CHRM3: variants seen among roughly 807,000 people sequenced by gnomAD.
CHRM3 encodes the protein cholinergic receptor muscarinic 3, also known as muscarinic acetylcholine receptor M3.
CHRM3 carries 11 observed loss-of-function variants against 41.8 expected under a neutral mutation model. The observed-to-expected ratio is 0.26, with a 90% confidence interval of 0.17 to 0.44. The LOEUF (loss-of-function observed/expected upper bound fraction) is 0.44. Among genes scored for constraint, CHRM3 ranks in the 20% least tolerant of loss-of-function variants. CHRM3 has a pLI of 1.00. For synonymous variants in CHRM3, 297 were observed against 301.4 expected (o/e 0.99, Z 0.15); for missense variants, 571 against 745.4 (o/e 0.77, Z 2.72).
chr1:239,724,564 G>T (rs1006560208), intron 5 of CHRM3, among the ~76,000 whole-genome samples: 3 of 151,890 alleles, frequency 2.0e-5, no homozygotes, highest in Admixed American at 6.6e-5. Context: ...GGATTATAGA[G>T]GTGAAGTGCT....
At chr1:239,646,757 G>A (rs1473438633) in intron 4 of CHRM3, among the ~76,000 whole-genome samples, 4 of 152,104 alleles carry the variant, frequency 2.6e-5, no homozygotes, top group Non-Finnish European at 5.9e-5. Context: ...GAATGAGAAT[G>A]ACTTTGTATA....
chr1:239,641,466 A>C (rs1671143197), intron 4 of CHRM3, among the ~76,000 whole-genome samples: 1 of 146,448 alleles, frequency 6.8e-6, no homozygotes, highest in South Asian at 2.3e-4. Flanking sequence ...GGGTGCATAT[A>C]TATTTAGGAT....
intron 3 of CHRM3, among the ~76,000 whole-genome samples, chr1:239,589,267 A>G (rs1427235787): frequency 4.6e-5 from 7 of 151,968 alleles, no homozygotes; most frequent in Non-Finnish European, 1.0e-4. Context: ...CTGGAAAAGT[A>G]TTAATTCTCG....
chr1:239,835,237 C>T (rs1042403079), intron 6 of CHRM3, among the ~76,000 whole-genome samples: 24 of 152,192 alleles, frequency 1.6e-4, no homozygotes, highest in Admixed American at 9.8e-4. Context: ...CCGGATCCTC[C>T]GTGCCAGCAT....
At chr1:239,905,997 T>C (rs1167115534) in intron 6 of CHRM3, among the ~76,000 whole-genome samples, 2 of 152,246 alleles carry the variant, frequency 1.3e-5, no homozygotes, top group Non-Finnish European at 1.5e-5. Context: ...CTGGAAAGAA[T>C]TGATCAACAA....
At chr1:239,807,847 T>C (rs34405783) in intron 5 of CHRM3, among the ~76,000 whole-genome samples, 27,960 of 137,596 alleles carry the variant, frequency 0.2, 2,872 homozygotes, top group East Asian at 0.33. Flanking sequence ...CACACACACA[T>C]ACACACACAC....
At chr1:239,579,432 C>A (rs896107391) in intron 3 of CHRM3, among the ~76,000 whole-genome samples, 2 of 152,080 alleles carry the variant, frequency 1.3e-5, no homozygotes, top group African/African-American at 4.8e-5. Flanking sequence ...GTCATTTTTT[C>A]AGAATTATAG....
chr1:239,695,200 C>CG (rs1393661829), intron 5 of CHRM3, among the ~76,000 whole-genome samples: 1 of 151,942 alleles, frequency 6.6e-6, no homozygotes. Context: ...TTAGTAGAGA[C>CG]GGGGTTTCAC....
At chr1:239,482,149 GCTGGCACTT>G (rs1558255783) in intron 1 of CHRM3, among the ~76,000 whole-genome samples, 1 of 151,498 alleles carries the variant, frequency 6.6e-6, no homozygotes, top group East Asian at 1.9e-4. Flanking sequence ...TCTCTCCTCT[GCTGGCACTT>G]CTGCCCCTGC....
chr1:239,442,844 G>A (rs945063295), intron 1 of CHRM3, among the ~76,000 whole-genome samples: 5 of 152,136 alleles, frequency 3.3e-5, no homozygotes, highest in East Asian at 1.9e-4. Context: ...TGAATTCTCC[G>A]TGTGGAGTGA....
intron 5 of CHRM3, among the ~76,000 whole-genome samples, chr1:239,766,416 T>G (rs1667211211): frequency 6.6e-6 from 1 of 152,062 alleles, no homozygotes; most frequent in Admixed American, 6.6e-5. Context: ...GAAAAACAAC[T>G]AATAGATATC....
At chr1:239,560,454 C>T (rs1025967672) in intron 3 of CHRM3, among the ~76,000 whole-genome samples, 3 of 152,054 alleles carry the variant, frequency 2.0e-5, no homozygotes, top group African/African-American at 7.2e-5. Flanking sequence ...ATACTTTAGA[C>T]TTAGGTAATT....
chr1:239,620,905 AAAGAAATGGGT>A (rs1241870386), intron 3 of CHRM3, among the ~76,000 whole-genome samples: 2 of 152,104 alleles, frequency 1.3e-5, no homozygotes, highest in African/African-American at 4.8e-5. Context: ...GATAATAGTA[AAAGAAATGGGT>A]AGAGACATAC....
At chr1:239,404,013 G>GAGAGAGAGAGAGAGAT (rs1660219608) in intron 1 of CHRM3, among the ~76,000 whole-genome samples, 1 of 134,092 alleles carries the variant, frequency 7.5e-6, no homozygotes, top group Non-Finnish European at 1.6e-5. Context: ...GAGAGAGAGA[G>GAGAGAGAGAGAGAGAT]ATACCTGGCT....
intron 5 of CHRM3, among the ~76,000 whole-genome samples, chr1:239,801,525 C>G (rs1670211680): frequency 6.6e-6 from 1 of 152,122 alleles, no homozygotes; most frequent in Admixed American, 6.6e-5. Context: ...TTGTTTCTTT[C>G]ATGATAACAA....
intron 6 of CHRM3, among the ~76,000 whole-genome samples, chr1:239,864,560 A>G (rs1388124199): frequency 7.1e-6 from 1 of 140,644 alleles, no homozygotes; most frequent in African/African-American, 3.3e-5. Context: ...ACACACACAC[A>G]TATACATATA....
At chr1:239,780,026 C>A (rs1050823479) in intron 5 of CHRM3, among the ~76,000 whole-genome samples, 1 of 152,134 alleles carries the variant, frequency 6.6e-6, no homozygotes, top group African/African-American at 2.4e-5. Context: ...TATTCATTCA[C>A]CTACTGGAGG....
intron 5 of CHRM3, chr1:239,703,393 T>C (rs1660862112): frequency 6.6e-6 from 1 of 152,208 alleles, no homozygotes; most frequent in Admixed American, 6.5e-5. Flanking sequence ...ATTATTCTGA[T>C]TTTATTTTGT....
chr1:239,745,853 G>T (rs1270699455), intron 5 of CHRM3, among the ~76,000 whole-genome samples: 1 of 152,004 alleles, frequency 6.6e-6, no homozygotes, highest in Non-Finnish European at 1.5e-5. Context: ...AATATGATAT[G>T]GCTAACAACT....
Sources: allele counts gnomAD v4.1 joint callset (sites outside exome capture counted in the v4.1 genomes callset), GRCh38; gene constraint gnomAD v4.1.1; transcripts MANE v1.5; gene names NCBI Gene and HGNC (gene_info 2026-07-23, HGNC 2026-07-21).